Variants in INSC observed in about 807,000 individuals in gnomAD.
INSC encodes protein inscuteable homolog.
Under a neutral mutation model 58.6 loss-of-function variants are expected in INSC, and 67 were observed. That is an observed-to-expected ratio of 1.14 (90% CI 0.94 to 1.40). INSC has a LOEUF of 1.40. INSC is among the 40% of genes most tolerant of loss of function. The pLI is 0.00. For missense variants in INSC, 714 were observed against 692.0 expected, an observed-to-expected ratio of 1.03 and a Z score of -0.36; for synonymous variants, 262 against 276.1, an observed-to-expected ratio of 0.95 and a Z score of 0.51.
chr11:15,125,671 T>C (rs1325003182), intron 1 of INSC, among the ~76,000 whole-genome samples: 1 of 152,212 alleles, frequency 6.6e-6, no homozygotes, highest in African/African-American at 2.4e-5. Flanking sequence ...GCTATCCTTA[T>C]TGCTTTCAAT....
intron 10 of INSC, among the ~76,000 whole-genome samples, chr11:15,238,664 A>G (rs1852222477): frequency 1.3e-5 from 2 of 152,218 alleles, no homozygotes; most frequent in Admixed American, 1.3e-4. Flanking sequence ...GTGTGTAGTA[A>G]AAGCTCAATA....
At chr11:15,217,567 A>G (rs1851267269) in intron 7 of INSC, among the ~76,000 whole-genome samples, 1 of 152,156 alleles carries the variant, frequency 6.6e-6, no homozygotes, top group Non-Finnish European at 1.5e-5. Context: ...GCCTCATACT[A>G]TGGTGAGCTG....
chr11:15,112,197 G>A (rs1324891379), upstream of INSC, among the ~76,000 whole-genome samples: 2 of 152,188 alleles, frequency 1.3e-5, no homozygotes, highest in Non-Finnish European at 2.9e-5. Flanking sequence ...AGCCAGCTAG[G>A]GCCGGCGCCG....
the INSC span, among the ~76,000 whole-genome samples, chr11:15,262,866 G>A: frequency 6.6e-6 from 1 of 151,930 alleles, no homozygotes; most frequent in Admixed American, 6.6e-5. Context: ...AGCACTCTGA[G>A]AAACAGAGGA....
At chr11:15,169,521 G>T (rs573029574) in intron 2 of INSC, among the ~76,000 whole-genome samples, 7 of 149,630 alleles carry the variant, frequency 4.7e-5, no homozygotes, top group Non-Finnish European at 8.8e-5. Flanking sequence ...CACAGTTTTT[G>T]TTGTTGTTGT....
intron 5 of INSC, among the ~76,000 whole-genome samples, chr11:15,182,455 G>A (rs997243448): frequency 1.3e-5 from 2 of 152,154 alleles, no homozygotes; most frequent in African/African-American, 4.8e-5. Flanking sequence ...GTGGTACTAT[G>A]TTTACCATAT....
chr11:15,155,464 A>C lies in INSC; in HGVS notation c.56+6234A>C, dbSNP rs181797969. ...ACAATTATTTAGTAAATCTTTATAG[A>C]GTGCCTATGAAGTACTGGGTGCTGT... On this transcript the variant is annotated intron_variant, in intron 2 of 12. Coordinates refer to ENST00000379556, the MANE Select transcript of INSC (RefSeq NM_001042536.3). 1.5e-4 allele frequency among the ~76,000 whole-genome samples: 23 copies of C among 152,354 alleles called. No homozygotes were observed. The East Asian group carries it at 3.7e-3, about 24-fold the overall frequency.
chr11:15,171,914 C>T (rs1162804461), intron 2 of INSC, among the ~76,000 whole-genome samples: 1 of 152,144 alleles, frequency 6.6e-6, no homozygotes, highest in African/African-American at 2.4e-5. Flanking sequence ...AGTTCAGAAG[C>T]CCACCGCTGG....
chr11:15,112,533 G>A (rs1174168000), upstream of INSC: 2 of 1,610,852 alleles, frequency 1.2e-6, no homozygotes, highest in South Asian at 2.2e-5. Flanking sequence ...GGGTCTATGG[G>A]GAGTCCAGGA....
At chr11:15,160,440 A>G (rs970292761) in intron 2 of INSC, among the ~76,000 whole-genome samples, 5 of 152,174 alleles carry the variant, frequency 3.3e-5, no homozygotes, top group Admixed American at 2.0e-4. Flanking sequence ...GACAAGTGTC[A>G]TGTGTAGGGG....
intron 2 of INSC, among the ~76,000 whole-genome samples, chr11:15,174,970 T>C (rs2133821056): frequency 6.6e-6 from 1 of 152,342 alleles, no homozygotes; most frequent in Non-Finnish European, 1.5e-5. Flanking sequence ...AATTTTAGAG[T>C]GCATTTTATT....
chr11:15,225,677 A>T lies in INSC; in HGVS notation c.1019A>T (p.Glu340Val). 5 of 1,614,180 alleles carry T rather than the reference A, an allele frequency of 3.1e-6. No individual in the cohort carries two copies. Among genetic ancestry groups the T allele is most frequent in the Non-Finnish European group, 4.2e-6 (5 of 1,180,030 alleles). Residue 340 changes from glutamate (E) to valine (V), a missense_variant, in exon 9 of 13, where the codon GAA (glutamate) becomes GTA (valine). Physicochemically the swap from Glu to Val is moderately radical, Grantham distance 121. Coordinates refer to ENST00000379556, the MANE Select transcript of INSC (RefSeq NM_001042536.3). ...VKLCQEASSG[E>V]VFLLASAALA... ...CTGTGCCAAGAGGCCTCATCAGGGG[A>T]AGTCTTCCTACTGGCCTCTGCGGCC...
chr11:15,125,424 A>G (rs983005094), intron 1 of INSC, among the ~76,000 whole-genome samples: 5 of 152,306 alleles, frequency 3.3e-5, no homozygotes, highest in African/African-American at 1.2e-4. Context: ...GAGAAATGAC[A>G]TGCTATAGCT....
At chr11:15,267,221 T>G in the INSC span, among the ~76,000 whole-genome samples, 1 of 152,050 alleles carries the variant, frequency 6.6e-6, no homozygotes, top group South Asian at 2.1e-4. Flanking sequence ...GCTGTCATTC[T>G]TATCTTTGCT....
chr11:15,156,760 G>A (rs963430224), intron 2 of INSC, among the ~76,000 whole-genome samples: 1 of 152,142 alleles, frequency 6.6e-6, no homozygotes, highest in African/African-American at 2.4e-5. Context: ...TTGGTACATC[G>A]AAGATGCACT....
chr11:15,146,916 TG>T (rs1490015671), intron 1 of INSC, among the ~76,000 whole-genome samples: 1 of 152,206 alleles, frequency 6.6e-6, no homozygotes, highest in African/African-American at 2.4e-5. Flanking sequence ...TAATACTCTA[TG>T]GTATGCATGC....
intron 2 of INSC, among the ~76,000 whole-genome samples, chr11:15,160,914 C>G (rs543951411): frequency 1.3e-5 from 2 of 152,302 alleles, no homozygotes; most frequent in East Asian, 3.9e-4. Context: ...CCTCTTTGAG[C>G]CTCAGTTTCT....
intron 5 of INSC, among the ~76,000 whole-genome samples, chr11:15,181,350 T>C (rs902526765): frequency 2.0e-5 from 3 of 152,246 alleles, no homozygotes; most frequent in African/African-American, 7.2e-5. Flanking sequence ...GGAAATGCAA[T>C]TCGAGAAACA....
chr11:15,231,964 C>T (rs1454952150), intron 9 of INSC, among the ~76,000 whole-genome samples: 12 of 152,204 alleles, frequency 7.9e-5, no homozygotes, highest in African/African-American at 2.4e-4. Flanking sequence ...GTTTCTCCTC[C>T]GTGTGTGCTG....
Sources: gnomAD v4.1 joint callset for allele counts (sites outside exome capture counted in the v4.1 genomes callset) on GRCh38, gnomAD v4.1.1 for gene constraint, MANE v1.5 for transcripts, NCBI Gene and HGNC (gene_info 2026-07-23, HGNC 2026-07-21) for gene names.